Variants in CLIP1 observed in about 807,000 individuals in gnomAD.
The protein encoded by CLIP1 is CAP-Gly domain containing linker protein 1.
CLIP1 carries 66 observed loss-of-function variants against 161.6 expected under a neutral mutation model. The observed-to-expected ratio is 0.41, with a 90% CI of 0.33 to 0.50. CLIP1 has a LOEUF of 0.50. Among genes scored for constraint, CLIP1 ranks in the 20% least tolerant of loss-of-function variants. The pLI is 0.27. For synonymous variants in CLIP1, 598 were observed against 626.2 expected (o/e 0.96, Z 0.67); for missense variants, 1,376 against 1,702.0 (o/e 0.81, Z 3.37).
At chr12:122,360,397 G>A (rs1953713780) in intron 5 of CLIP1, among the ~76,000 whole-genome samples, 1 of 144,582 alleles carries the variant, frequency 6.9e-6, no homozygotes, top group Non-Finnish European at 1.5e-5. Context: ...AACACAGTGG[G>A]TCCCTCTCTC....
intron 20 of CLIP1, among the ~76,000 whole-genome samples, chr12:122,298,028 G>T (rs114719385): frequency 0.01 from 1,546 of 152,276 alleles, 32 homozygotes; most frequent in African/African-American, 0.035. Flanking sequence ...CAGCTCCAGA[G>T]CTCCCCACGG....
chr12:122,306,998 C>CTTTTTT lies in CLIP1; in HGVS notation c.3594+2758_3594+2763dup, dbSNP rs56949793. 7.8e-3 allele frequency among the ~76,000 whole-genome samples: 630 copies of CTTTTTT among 81,006 alleles called. 68 individuals carry two copies. The highest frequency in any genetic ancestry group is 0.012 in the Non-Finnish European group (525 of 45,540). The allele number at this position is 81,006 out of a possible 152,430, so 53.1% of individuals were successfully genotyped here. A position where few individuals can be genotyped will look rare whatever the true frequency, so the allele number is the denominator to read the frequency against. ...TATCTGTGTATCCTTGGTAAGTTCA[C>CTTTTTT]TTTTTTTTTTTTTTTTTTTTTTTTT... On this transcript the variant is annotated intron_variant, in intron 20 of 25. Coordinates refer to ENST00000620786, the MANE Select transcript of CLIP1 (RefSeq NM_001247997.2).
rs1454823323 is a variant in CLIP1 at position 122,341,289 on chromosome 12, C to T, written c.1915G>A (p.Glu639Lys). 6.2e-7 allele frequency: 1 copy of T among 1,613,886 alleles called. No homozygotes were observed. Among genetic ancestry groups the T allele is most frequent in the African/African-American group, 1.3e-5 (1 of 74,914 alleles). ...TTGCTGAAAGATACCTTCAGTTCTT[C>T]CATCGCCTGCTGGTGGGATGCGATG... ...TAIASHQQAM[E>K]ELKVSFSKGL... is the part of the protein sequence containing the mutation. Residue 639 changes from glutamate (E) to lysine (K), a missense_variant, in exon 11 of 26, where the codon GAA becomes AAA. Coordinates refer to ENST00000620786, the MANE Select transcript of CLIP1 (RefSeq NM_001247997.2).
intron 19 of CLIP1, among the ~76,000 whole-genome samples, 184 bp downstream of exon 19, chr12:122,316,565 T>G (rs1951281476): frequency 6.6e-6 from 1 of 152,086 alleles, no homozygotes; most frequent in African/African-American, 2.4e-5. Flanking sequence ...TTCATTCTGA[T>G]CCTTTAACTT....
At chr12:122,285,741 T>A in intron 21 of CLIP1, among the ~76,000 whole-genome samples, 1 of 151,614 alleles carries the variant, frequency 6.6e-6, no homozygotes, top group East Asian at 1.9e-4. Flanking sequence ...CCTCCCAAAG[T>A]GCTGGGGTTA....
intron 20 of CLIP1, among the ~76,000 whole-genome samples, chr12:122,296,280 C>A (rs566628335): frequency 1.3e-5 from 2 of 152,052 alleles, no homozygotes; most frequent in South Asian, 4.1e-4. Flanking sequence ...AGTTTTATGA[C>A]CATATATATT....
chr12:122,285,759 G>A (rs993628017), intron 21 of CLIP1, among the ~76,000 whole-genome samples: 1 of 151,418 alleles, frequency 6.6e-6, no homozygotes, highest in Admixed American at 6.6e-5. Context: ...TTACAGGCAT[G>A]AACCACCGTG....
chr12:122,393,851 G>T (rs891977918), intron 1 of CLIP1, among the ~76,000 whole-genome samples: 1 of 138,606 alleles, frequency 7.2e-6, no homozygotes, highest in Non-Finnish European at 1.5e-5. Context: ...GGCAGAAGTT[G>T]TGGTTAGCTG....
In CLIP1 at chr12:122,271,735, C is replaced by T. The variant is rs1186588057; in HGVS notation, c.*1140G>A. ...TGAAGATAAATAGATTCAAACTGGTCGATAAACTGTTCAGGTGCTTTGAGG... is the reference window on the plus strand; with the variant it reads ...TGAAGATAAATAGATTCAAACTGGTTGATAAACTGTTCAGGTGCTTTGAGG... On this transcript the variant is annotated 3_prime_UTR_variant, in exon 26 of 26. Coordinates refer to ENST00000620786, the MANE Select transcript of CLIP1 (RefSeq NM_001247997.2). 1.3e-5 allele frequency: 2 copies of T among 152,512 alleles called. No homozygotes were observed. Among genetic ancestry groups the T allele is most frequent in the African/African-American group, 2.4e-5 (1 of 41,400 alleles). 9.4% of individuals were successfully genotyped at this position (152,512 alleles called of 1,614,324 possible). A position where few individuals can be genotyped will look rare whatever the true frequency, so the allele number is the denominator to read the frequency against.
intron 24 of CLIP1, chr12:122,276,717 T>C: frequency 3.8e-6 from 1 of 261,326 alleles, no homozygotes; most frequent in South Asian, 3.8e-5. Context: ...ATACAAAGTA[T>C]ATTAAAATTA....
At chr12:122,277,847 G>C (rs1036044047) in intron 24 of CLIP1, 1 of 265,648 alleles carries the variant, frequency 3.8e-6, no homozygotes, top group Admixed American at 4.9e-5. Context: ...AAAAAAAAAA[G>C]GGAGGGAAGA....
chr12:122,412,341 T>C (rs1366394243), intron 1 of CLIP1, among the ~76,000 whole-genome samples: 10 of 142,130 alleles, frequency 7.0e-5, no homozygotes, highest in East Asian at 2.5e-4. Context: ...CCACCACACC[T>C]GGCCAAAAAA....
At chr12:122,331,775 G>A (rs983606968) in intron 15 of CLIP1, among the ~76,000 whole-genome samples, 1 of 150,088 alleles carries the variant, frequency 6.7e-6, no homozygotes, top group African/African-American at 2.5e-5. Flanking sequence ...CGGCCAGATC[G>A]CCTGAGGTCA....
Position 122,334,067 on chromosome 12 carries a change from C to A in CLIP1, c.2670G>T (p.Met890Ile), listed in dbSNP as rs1219640118. ...TCAGCTTCTCCAAGTCAGAAGACAGCATGTTAAACTGTTCCTCCTTTTGGT... is the reference window on the plus strand; with the variant it reads ...TCAGCTTCTCCAAGTCAGAAGACAGAATGTTAAACTGTTCCTCCTTTTGGT... ...KLHQKEEQFN[M>I]LSSDLEKLRE... Residue 890 changes from methionine to isoleucine, a missense_variant, in exon 14 of 26, where the codon ATG (methionine) becomes ATT (isoleucine). Coordinates refer to ENST00000620786, the MANE Select transcript of CLIP1 (RefSeq NM_001247997.2). The A allele has an allele frequency of 5.0e-6, 8 of 1,613,040 alleles. No homozygotes were observed. In the Admixed American group the frequency reaches 1.3e-4, roughly 27 times the overall value.
chr12:122,294,964 G>T (rs540191258), intron 20 of CLIP1, among the ~76,000 whole-genome samples: 1 of 150,594 alleles, frequency 6.6e-6, no homozygotes, highest in Admixed American at 6.6e-5. Flanking sequence ...GCTAAGACAG[G>T]AGAATTGCTT....
chr12:122,282,244 T>C (rs988042773), intron 21 of CLIP1, among the ~76,000 whole-genome samples: 2 of 152,204 alleles, frequency 1.3e-5, no homozygotes, highest in African/African-American at 4.8e-5. Context: ...TAAGCTCCAA[T>C]TCCACTATGC....
At chr12:122,317,962 A>T (rs1951334637) in intron 18 of CLIP1, among the ~76,000 whole-genome samples, 1 of 152,218 alleles carries the variant, frequency 6.6e-6, no homozygotes, top group South Asian at 2.1e-4. Context: ...CCTCTCATTT[A>T]CTTCAGCTTC....
intron 1 of CLIP1, among the ~76,000 whole-genome samples, chr12:122,422,189 G>A (rs1476492301): frequency 6.6e-6 from 1 of 152,134 alleles, no homozygotes; most frequent in Non-Finnish European, 1.5e-5. Flanking sequence ...GGGCGCCAGG[G>A]AGAGAGCGGC....
chr12:122,352,641 C>A lies in CLIP1; in HGVS notation c.1368+85G>T, dbSNP rs115075230. On this transcript the variant is annotated intron_variant, in intron 8 of 25. Transcript: ENST00000620786. ...CACTTCCTCAGCTGGCTGTTCTGGC[C>A]GCTCATTTCAATTGGTGCATTATTT... 17 of 1,236,814 alleles carry A rather than the reference C, an allele frequency of 1.4e-5. 1 individual carries two copies. The Admixed American group carries it at 1.7e-4, about 12-fold the overall frequency. The allele number at this position is 1,236,814 out of a possible 1,614,324, so 76.6% of individuals were successfully genotyped here. A position where few individuals can be genotyped will look rare whatever the true frequency, so the allele number is the denominator to read the frequency against.
Sources: allele counts gnomAD v4.1 joint callset (sites outside exome capture counted in the v4.1 genomes callset), GRCh38; gene constraint gnomAD v4.1.1; transcripts MANE v1.5; gene names NCBI Gene and HGNC (gene_info 2026-07-23, HGNC 2026-07-21).